Variants in SCN7A observed in about 807,000 individuals in gnomAD.
SCN7A encodes the protein sodium channel protein type 7 subunit alpha.
In SCN7A, 138 loss-of-function variants were observed where a neutral mutation model predicts 155.2. The ratio of observed to expected loss-of-function variants is 0.89; its 90% CI spans 0.77 to 1.02. The LOEUF (loss-of-function observed/expected upper bound fraction) is 1.02. Ranked by LOEUF, SCN7A falls within the 50% of genes least tolerant of loss-of-function variation. SCN7A has a pLI of 0.00. For synonymous variants in SCN7A, 693 were observed against 649.0 expected (o/e 1.07, Z -1.03); for missense variants, 2,058 against 1,986.6 (o/e 1.04, Z -0.68).
intron 7 of SCN7A, among the ~76,000 whole-genome samples, chr2:166,467,122 T>C (rs143711783): frequency 3.3e-4 from 50 of 152,026 alleles, no homozygotes; most frequent in African/African-American, 1.1e-3. Context: ...ATAGAACTTC[T>C]GTGTCAAATA....
In SCN7A at chr2:166,423,418, T is replaced by C. The variant is rs1238027979; in HGVS notation, c.2868A>G (p.Ile956Met). Residue 956 changes from isoleucine (I) to methionine (M), a missense_variant, in exon 19 of 26, where the codon ATA becomes ATG. Transcript: ENST00000643258. ...TAATTGTCTTTCTCTGATCCATATATATATCTTCAAAAGCCTGTGGGTAAA... is the reference window on the plus strand; with the variant it reads ...TAATTGTCTTTCTCTGATCCATATACATATCTTCAAAAGCCTGTGGGTAAA... The part of the protein sequence containing the change: ...LSTGTLAFED[I>M]YMDQRKTIKI... The C allele has an allele frequency of 2.6e-6, 4 of 1,558,682 alleles. No individual in the cohort carries two copies. The highest frequency in any genetic ancestry group is 3.5e-6 in the Non-Finnish European group (4 of 1,157,986).
chr2:166,488,372 T>C (rs1273783685), intron 1 of SCN7A, among the ~76,000 whole-genome samples: 1 of 152,148 alleles, frequency 6.6e-6, no homozygotes, highest in Non-Finnish European at 1.5e-5. Context: ...TGGAAGGCTA[T>C]GAAAATTTTA....
At chr2:166,429,118 C>CA in intron 17 of SCN7A, 51 bp downstream of exon 17, 1 of 1,030,518 alleles carries the variant, frequency 9.7e-7, no homozygotes, top group East Asian at 2.6e-5. Context: ...TACATTTTGA[C>CA]AACTTATAAT....
chr2:166,486,154 A>G (rs1414441308), intron 2 of SCN7A, among the ~76,000 whole-genome samples: 1 of 152,200 alleles, frequency 6.6e-6, no homozygotes. Context: ...GGGACCTCTC[A>G]GAACTAGCTG....
intron 21 of SCN7A, among the ~76,000 whole-genome samples, chr2:166,416,271 C>A (rs1701374542): frequency 6.6e-6 from 1 of 152,094 alleles, no homozygotes; most frequent in African/African-American, 2.4e-5. Flanking sequence ...TGATTTTGCC[C>A]TTGTCCTGTT....
intron 18 of SCN7A, among the ~76,000 whole-genome samples, chr2:166,425,812 T>C (rs1156825898): frequency 6.6e-6 from 1 of 152,126 alleles, no homozygotes. Flanking sequence ...ATCAGATCTG[T>C]GATGACCCTT....
intron 3 of SCN7A, among the ~76,000 whole-genome samples, chr2:166,475,332 A>G (rs1702774734): frequency 6.7e-6 from 1 of 149,582 alleles, no homozygotes; most frequent in Non-Finnish European, 1.5e-5. Context: ...TATATATTAA[A>G]TATCTATTAG....
intron 21 of SCN7A, among the ~76,000 whole-genome samples, chr2:166,415,908 G>C (rs142257622): frequency 0.021 from 3,239 of 152,216 alleles, 38 homozygotes; most frequent in Non-Finnish European, 0.034. Context: ...TGGGCAAAAA[G>C]AGCCATATTT....
At position 166,451,587 on chromosome 2, in the gene SCN7A, A is replaced by G. The variant is rs139850949; in HGVS notation, c.1291-3879T>C. Among the ~76,000 whole-genome samples the G allele has an allele frequency of 4.9e-3, 744 of 152,268 alleles. 1 individual carries two copies. The highest frequency in any genetic ancestry group is 8.8e-3 in the Non-Finnish European group (598 of 68,014). ...TCTCACATTTACCTGAATATCTGAC[A>G]AGTTTGTCATGGACTCAGGGTTACT... On this transcript the variant is annotated intron_variant, in intron 11 of 25. Transcript: ENST00000643258.
chr2:166,447,470 T>C, intron 12 of SCN7A, 142 bp downstream of exon 12: 1 of 553,174 alleles, frequency 1.8e-6, no homozygotes, highest in African/African-American at 1.9e-5. Context: ...TTTTTATACA[T>C]GGTTTATCCT....
At chr2:166,481,002 A>C (rs1702913370) in intron 2 of SCN7A, among the ~76,000 whole-genome samples, 10 of 152,252 alleles carry the variant, frequency 6.6e-5, no homozygotes, top group Admixed American at 6.5e-4. Flanking sequence ...CATTAAAATA[A>C]GATAGGCCTA....
chr2:166,487,086 C>T (rs991112860), intron 1 of SCN7A, 118 bp from the exon 2 acceptor site: 2 of 152,238 alleles, frequency 1.3e-5, no homozygotes, highest in African/African-American at 4.8e-5. Flanking sequence ...CCACTCTGTC[C>T]TCTCCTTTCC....
rs1702003298 is a variant in SCN7A, at chr2:166,443,592, T to C, written c.1711A>G (p.Ile571Val). ...PYGYFQVGWNIFDSMIVFHGL... is the reference protein window; with the variant it reads ...PYGYFQVGWNVFDSMIVFHGL... ...TGGAACACTATCATGCTATCAAAAA[T>C]GTTCCAACCTACTTGGAAATACCCA... is the stretch of plus-strand genomic sequence containing the variant. The change falls in exon 14 of 26, where the codon ATT becomes GTT. Residue 571 changes from isoleucine (I) to valine (V), a missense_variant. By Grantham distance (29) the Ile-to-Val change is conservative. Transcript: ENST00000643258. 6.3e-7 allele frequency: 1 copy of C among 1,583,816 alleles called. No homozygotes were observed. The highest frequency in any genetic ancestry group is 8.6e-7 in the Non-Finnish European group (1 of 1,163,924).
In SCN7A at chr2:166,413,214, A is replaced by G. The variant is rs568866666; in HGVS notation, c.3415-93T>C. 186 of 685,662 alleles carry G rather than the reference A, an allele frequency of 2.7e-4. No individual in the cohort carries two copies. The South Asian group carries it at 2.9e-3, about 11-fold the overall frequency. The allele number at this position is 685,662 out of a possible 1,614,324, so 42.5% of individuals were successfully genotyped here. On this transcript the variant is annotated intron_variant, in intron 21 of 25. Coordinates refer to ENST00000643258, the MANE Select transcript of SCN7A (RefSeq NM_002976.4). ...ATTAGTGCACTGAAATATTTGACAT[A>G]GGCTTGCCACACTTCCATATACTGT... is the stretch of plus-strand genomic sequence containing the variant.
intron 21 of SCN7A, among the ~76,000 whole-genome samples, chr2:166,414,100 A>G (rs1286334070): frequency 1.5e-5 from 1 of 66,806 alleles, no homozygotes; most frequent in Non-Finnish European, 2.6e-5. Context: ...TATATATAAT[A>G]TATTATATAT....
intron 3 of SCN7A, among the ~76,000 whole-genome samples, chr2:166,476,748 A>G (rs1409352199): frequency 6.6e-6 from 1 of 152,020 alleles, no homozygotes; most frequent in Non-Finnish European, 1.5e-5. Flanking sequence ...GTTTCCAGTT[A>G]TAGCATCACT....
chr2:166,437,651 C>T (rs962626098), intron 15 of SCN7A, among the ~76,000 whole-genome samples: 16 of 152,152 alleles, frequency 1.1e-4, no homozygotes, highest in African/African-American at 3.1e-4. Context: ...GGGCTGTACC[C>T]TACAAAGACA....
chr2:166,419,269 T>G (rs567720151), intron 20 of SCN7A, among the ~76,000 whole-genome samples: 1 of 152,204 alleles, frequency 6.6e-6, no homozygotes. Context: ...CATGTGTATT[T>G]TGAGTAAATA....
At chr2:166,410,581 A>G (rs17767964) in intron 23 of SCN7A, among the ~76,000 whole-genome samples, 3,155 of 152,054 alleles carry the variant, frequency 0.021, 35 homozygotes, top group Non-Finnish European at 0.033. Flanking sequence ...TGTCAACTCT[A>G]TTTTCACATA....
Sources: allele counts gnomAD v4.1 joint callset (sites outside exome capture counted in the v4.1 genomes callset), GRCh38; gene constraint gnomAD v4.1.1; transcripts MANE v1.5; gene names NCBI Gene and HGNC (gene_info 2026-07-23, HGNC 2026-07-21).